The following STXBP5L variants were observed in gnomAD, a reference collection of about 807,000 sequenced individuals.
The protein encoded by STXBP5L is syntaxin binding protein 5L, also known as syntaxin-binding protein 5-like.
In STXBP5L, 65 loss-of-function variants were observed where a neutral mutation model predicts 144.5. The observed-to-expected ratio is 0.45, with a 90% CI of 0.37 to 0.55. The LOEUF (loss-of-function observed/expected upper bound fraction) is 0.55. STXBP5L is among the 20% of genes least tolerant of loss of function. The pLI is 0.00. For synonymous variants in STXBP5L, 505 were observed against 469.6 expected (o/e 1.08, Z -0.97); for missense variants, 1,298 against 1,405.5 (o/e 0.92, Z 1.22).
intron 3 of STXBP5L, among the ~76,000 whole-genome samples, chr3:120,991,596 G>A (rs1224128498): frequency 7.0e-6 from 1 of 143,314 alleles, no homozygotes. Flanking sequence ...GTCCAACAAT[G>A]ATAGACTGGA....
At chr3:121,394,486 T>G (rs1362825578) in intron 22 of STXBP5L, among the ~76,000 whole-genome samples, 7 of 152,054 alleles carry the variant, frequency 4.6e-5, no homozygotes, top group Admixed American at 6.6e-5. Flanking sequence ...CTTGTTCCAG[T>G]TTTTAGAGGG....
intron 3 of STXBP5L, among the ~76,000 whole-genome samples, chr3:121,002,147 T>C (rs1198814487): frequency 1.3e-5 from 2 of 152,224 alleles, no homozygotes; most frequent in Non-Finnish European, 2.9e-5. Context: ...CCAAAATGGC[T>C]GTACCAATTT....
intron 4 of STXBP5L, among the ~76,000 whole-genome samples, chr3:121,043,157 C>A (rs978361002): frequency 1.3e-5 from 2 of 151,988 alleles, no homozygotes; most frequent in East Asian, 3.9e-4. Context: ...AACTACTCGC[C>A]CTATGTACCT....
chr3:121,258,088 T>C lies in STXBP5L; in HGVS notation c.1832+755T>C, dbSNP rs998626162. ...AGTATATTTCATAATCTTTCTTTTT[T>C]AAAACTATTTATTAATAAGCTAAAC... On this transcript the variant is annotated intron_variant, in intron 17 of 26. Coordinates refer to ENST00000471454, the MANE Select transcript of STXBP5L (RefSeq NM_001308330.2). Among the ~76,000 whole-genome samples the C allele has an allele frequency of 9.8e-5, 15 of 152,318 alleles. No individual in the cohort carries two copies. The East Asian group carries it at 1.2e-3, about 12-fold the overall frequency.
At chr3:121,135,801 A>T (rs1175830676) in intron 7 of STXBP5L, among the ~76,000 whole-genome samples, 1 of 152,134 alleles carries the variant, frequency 6.6e-6, no homozygotes, top group Non-Finnish European at 1.5e-5. Context: ...CTCCTGCTCT[A>T]GACCACCTTG....
chr3:121,025,363 C>T (rs188610766), intron 3 of STXBP5L, among the ~76,000 whole-genome samples: 3 of 152,136 alleles, frequency 2.0e-5, no homozygotes, highest in Non-Finnish European at 1.5e-5. Flanking sequence ...TATAACTCAA[C>T]CCTATATGGT....
At chr3:121,019,809 C>G (rs1372519273) in intron 3 of STXBP5L, among the ~76,000 whole-genome samples, 1 of 152,162 alleles carries the variant, frequency 6.6e-6, no homozygotes, top group East Asian at 1.9e-4. Context: ...CTGACATAAT[C>G]TACCCAAATG....
At chr3:121,061,544 G>A (rs1352702434) in intron 5 of STXBP5L, among the ~76,000 whole-genome samples, 3 of 151,716 alleles carry the variant, frequency 2.0e-5, no homozygotes, top group Non-Finnish European at 4.4e-5. Context: ...TTTTTGTCTT[G>A]TTGATCTAAT....
intron 3 of STXBP5L, among the ~76,000 whole-genome samples, chr3:121,024,554 C>G (rs752355772): frequency 6.6e-6 from 1 of 152,168 alleles, no homozygotes; most frequent in Non-Finnish European, 1.5e-5. Flanking sequence ...TGTAAGCTGT[C>G]AAGTCTAAAC....
chr3:121,009,177 A>G (rs189043083), intron 3 of STXBP5L, among the ~76,000 whole-genome samples: 177 of 152,046 alleles, frequency 1.2e-3, no homozygotes, highest in Non-Finnish European at 1.9e-3. Context: ...ATCTTCACCA[A>G]TTGGTCATCC....
At chr3:121,042,704 AG>A (rs1947245382) in intron 4 of STXBP5L, among the ~76,000 whole-genome samples, 1 of 152,164 alleles carries the variant, frequency 6.6e-6, no homozygotes, top group Admixed American at 6.6e-5. Flanking sequence ...AGGTAACCCA[AG>A]GCAAGAAAGA....
At chr3:121,342,295 G>C (rs2044742326) in intron 20 of STXBP5L, among the ~76,000 whole-genome samples, 1 of 152,076 alleles carries the variant, frequency 6.6e-6, no homozygotes, top group African/African-American at 2.4e-5. Flanking sequence ...AGCCTTGAAT[G>C]TATGTAATTG....
At chr3:121,097,576 C>T (rs766031287) in intron 5 of STXBP5L, among the ~76,000 whole-genome samples, 3 of 152,114 alleles carry the variant, frequency 2.0e-5, no homozygotes, top group African/African-American at 4.8e-5. Flanking sequence ...GAAAATTTCC[C>T]GACTTCTTGC....
intron 20 of STXBP5L, among the ~76,000 whole-genome samples, chr3:121,369,995 G>C (rs548777473): frequency 1.3e-5 from 2 of 152,116 alleles, no homozygotes; most frequent in Non-Finnish European, 2.9e-5. Flanking sequence ...GGGCCTGATC[G>C]GCAGTGATTG....
intron 2 of STXBP5L, among the ~76,000 whole-genome samples, chr3:120,938,072 CAAAA>C (rs1710361262): frequency 6.6e-6 from 1 of 151,630 alleles, no homozygotes; most frequent in African/African-American, 2.4e-5. Context: ...TACAGGTAAG[CAAAA>C]ACAGAACAAT....
At chr3:120,967,905 C>G (rs1014696440) in intron 3 of STXBP5L, among the ~76,000 whole-genome samples, 3 of 152,044 alleles carry the variant, frequency 2.0e-5, no homozygotes, top group African/African-American at 7.2e-5. Context: ...TGATTTTGTA[C>G]AGTTTCTGAT....
chr3:121,047,530 G>A (rs1458749345), intron 5 of STXBP5L, among the ~76,000 whole-genome samples: 4 of 152,218 alleles, frequency 2.6e-5, no homozygotes, highest in Admixed American at 1.3e-4. Context: ...ATGAATCCGG[G>A]TACTCCTGTG....
chr3:121,387,697 C>G (rs541713973), intron 22 of STXBP5L, among the ~76,000 whole-genome samples: 1 of 152,264 alleles, frequency 6.6e-6, no homozygotes, highest in East Asian at 1.9e-4. Flanking sequence ...TCAGGTTTGT[C>G]AAAGATCAGA....
At chr3:120,932,874 A>T (rs1180290597) in intron 2 of STXBP5L, among the ~76,000 whole-genome samples, 1 of 152,164 alleles carries the variant, frequency 6.6e-6, no homozygotes, top group East Asian at 1.9e-4. Flanking sequence ...GCCATAAAAA[A>T]TGATGAGTTC....
Sources: gnomAD v4.1 joint callset for allele counts (sites outside exome capture counted in the v4.1 genomes callset) on GRCh38, gnomAD v4.1.1 for gene constraint, MANE v1.5 for transcripts, NCBI Gene and HGNC (gene_info 2026-07-23, HGNC 2026-07-21) for gene names.